The following PER3 variants were observed in gnomAD, a reference collection of about 807,000 sequenced individuals.
PER3 encodes period circadian protein homolog 3.
PER3 carries 107 observed loss-of-function variants against 127.2 expected under a neutral mutation model. The ratio of observed to expected loss-of-function variants is 0.84; its 90% CI spans 0.72 to 0.99. The LOEUF (loss-of-function observed/expected upper bound fraction) is 0.99, where lower values mean the gene tolerates loss of function less well. Ranked by LOEUF, PER3 falls within the 50% of genes least tolerant of loss-of-function variation. The probability of loss-of-function intolerance (pLI) is 0.00; values close to 1 mark genes in which losing one functional copy is unlikely to be tolerated. For synonymous variants in PER3, 618 were observed against 585.8 expected, an observed-to-expected ratio of 1.05 and a Z score of -0.79; for missense variants, 1,560 against 1,525.8, an observed-to-expected ratio of 1.02 and a Z score of -0.37.
intron 19 of PER3, among the ~76,000 whole-genome samples, chr1:7,833,647 G>A (rs545636017): frequency 5.9e-5 from 9 of 152,070 alleles, no homozygotes; most frequent in South Asian, 4.2e-4. Flanking sequence ...TAAGTTTCTC[G>A]TAACCACCAT....
intron 16 of PER3, among the ~76,000 whole-genome samples, chr1:7,821,171 G>A (rs963429298): frequency 2.0e-5 from 3 of 152,090 alleles, no homozygotes; most frequent in African/African-American, 7.2e-5. Context: ...ATTGCCACTT[G>A]TCCTTTTGAC....
Position 7,788,042 on chromosome 1 carries a change from T to C in PER3, c.391-3T>C, listed in dbSNP as rs1482666171. On this transcript the variant is annotated splice_polypyrimidine_tract_variant and splice_region_variant and intron_variant, in intron 4 of 21. Coordinates refer to ENST00000377532, the MANE Select transcript of PER3 (RefSeq NM_001377275.1). ...TTGCATTTATTTTAAATGTTTTTCATAGGATACCTTTGTGGCAGTATTTTC... is the reference window on the plus strand; with the variant it reads ...TTGCATTTATTTTAAATGTTTTTCACAGGATACCTTTGTGGCAGTATTTTC... The C allele has an allele frequency of 6.2e-7, 1 of 1,600,416 alleles. No homozygotes were observed. Among genetic ancestry groups the C allele is most frequent in the Admixed American group, 1.7e-5 (1 of 59,986 alleles).
rs568724764 is a variant in PER3 at position 7,800,902 on chromosome 1, GGCT to G, written c.794-210_794-208del. Among the ~76,000 whole-genome samples the G allele has an allele frequency of 1.7e-4, 25 of 151,296 alleles. No homozygotes were observed. In the South Asian group the frequency reaches 5.2e-3, roughly 32 times the overall value. On this transcript the variant is annotated intron_variant, in intron 7 of 21. Coordinates refer to ENST00000377532, the MANE Select transcript of PER3 (RefSeq NM_001377275.1). The stretch of plus-strand genomic sequence containing the variant: ...TCTCTGTTTAAAATTGACTTTAATA[GGCT>G]TCAAATTTTTACCTAATTAAAATGT...
At chr1:7,822,267 T>A (rs1243511778) in intron 16 of PER3, among the ~76,000 whole-genome samples, 1 of 151,900 alleles carries the variant, frequency 6.6e-6, no homozygotes, top group Non-Finnish European at 1.5e-5. Flanking sequence ...AATTTTTTTT[T>A]TTTTTTGAGA....
chr1:7,843,803 C>A lies in PER3; in HGVS notation c.*1048C>A. 1.4e-6 allele frequency: 1 copy of A among 692,374 alleles called. No homozygotes were observed. The highest frequency in any genetic ancestry group is 2.0e-6 in the Non-Finnish European group (1 of 512,088). The allele number at this position is 692,374 out of a possible 1,614,324, so 42.9% of individuals were successfully genotyped here. ...GCCCACAGGGTCCTGCAGGCTCCAT[C>A]AGTCACCGCTTTCTATGGCGTTTGT... On this transcript the variant is annotated 3_prime_UTR_variant, in exon 22 of 22. Coordinates refer to ENST00000377532, the MANE Select transcript of PER3 (RefSeq NM_001377275.1).
chr1:7,808,845 G>A lies in PER3; in HGVS notation c.1137-48G>A, dbSNP rs1443256267. On this transcript the variant is annotated intron_variant, in intron 10 of 21. Coordinates refer to ENST00000377532, the MANE Select transcript of PER3 (RefSeq NM_001377275.1). ...GAATAGTCTATTAAAAATCACTTTC[G>A]ACTTCATTTAAATTGTTTGACTCAG... 7 of 973,382 alleles carry A rather than the reference G, an allele frequency of 7.2e-6. No homozygotes were observed. The East Asian group carries it at 7.2e-5, about 10-fold the overall frequency. The allele number at this position is 973,382 out of a possible 1,614,324, so 60.3% of individuals were successfully genotyped here. A position where few individuals can be genotyped will look rare whatever the true frequency, so the allele number is the denominator to read the frequency against.
At chr1:7,791,069 G>T (rs1040172009) in intron 5 of PER3, among the ~76,000 whole-genome samples, 1 of 152,202 alleles carries the variant, frequency 6.6e-6, no homozygotes, top group East Asian at 1.9e-4. Context: ...CCATTCTTAG[G>T]TCTGGAGGAT....
chr1:7,825,641 C>T (rs901647536), intron 16 of PER3, among the ~76,000 whole-genome samples: 5 of 152,172 alleles, frequency 3.3e-5, no homozygotes, highest in African/African-American at 1.2e-4. Flanking sequence ...CCTATAATCC[C>T]AGCGCTTTGG....
intron 6 of PER3, among the ~76,000 whole-genome samples, chr1:7,796,969 C>G (rs1486193987): frequency 6.6e-6 from 1 of 152,070 alleles, no homozygotes; most frequent in African/African-American, 2.4e-5. Flanking sequence ...AATCAACTTC[C>G]TGGAGGTGGA....
At chr1:7,790,335 G>T (rs1052881538) in intron 5 of PER3, among the ~76,000 whole-genome samples, 1 of 152,162 alleles carries the variant, frequency 6.6e-6, no homozygotes, top group African/African-American at 2.4e-5. Context: ...ACACATGATG[G>T]CAGGAAGGAG....
chr1:7,820,145 G>T lies in PER3; in HGVS notation c.1689G>T (p.Leu563Phe). Reference protein sequence around the residue: ...RYLKSYNIPALKRKCISCTNT... With the variant: ...RYLKSYNIPAFKRKCISCTNT... ...TGAAGAGCTACAACATTCCAGCTTT[G>T]AAAAGAAAGTGTATCTCCTGTACAA... The change falls in exon 15 of 22, where the codon TTG becomes TTT. Residue 563 changes from leucine (L) to phenylalanine (F), a missense_variant. Leu to Phe is a conservative substitution (Grantham distance 22). Coordinates refer to ENST00000377532, the MANE Select transcript of PER3 (RefSeq NM_001377275.1). The T allele has an allele frequency of 6.2e-7, 1 of 1,613,630 alleles. No homozygotes were observed. Among genetic ancestry groups the T allele is most frequent in the Non-Finnish European group, 8.5e-7 (1 of 1,179,642 alleles).
At chr1:7,810,395 T>A in intron 12 of PER3, 43 bp from the exon 13 acceptor site, 1 of 1,437,230 alleles carries the variant, frequency 7.0e-7, no homozygotes, top group Non-Finnish European at 9.5e-7. Flanking sequence ...TAGTGGACAT[T>A]TTTATAATTT....
At chr1:7,797,654 A>G (rs1053506826) in intron 6 of PER3, among the ~76,000 whole-genome samples, 16 of 150,836 alleles carry the variant, frequency 1.1e-4, no homozygotes, top group Non-Finnish European at 2.1e-4. Flanking sequence ...AAAAAAAAAG[A>G]AAAAAAAGTG....
rs2097272264 is a variant in PER3 at position 7,820,631 on chromosome 1, C to T, written c.1948C>T (p.Pro650Ser). 4 of 1,609,898 alleles carry T rather than the reference C, an allele frequency of 2.5e-6. No homozygotes were observed. The highest frequency in any genetic ancestry group is 1.1e-5 in the South Asian group (1 of 90,272). The part of the protein sequence containing the change: ...YSSTIVHVPP[P>S]ETARDATLFC... ...CAGCACCATTGTCCATGTCCCACCC[C>T]CAGAGACAGGTACCACACTCGCCTC... The change falls in exon 16 of 22, where the codon CCA becomes TCA. Residue 650 changes from proline to serine, a missense_variant. Physicochemically the swap from Pro to Ser is moderately conservative, Grantham distance 74. This residue lies in a region of PER3 where 1,332 missense variants were observed against 1,223.6 expected (regional missense o/e 1.09). Coordinates refer to ENST00000377532, the MANE Select transcript of PER3 (RefSeq NM_001377275.1).
chr1:7,792,737 C>T (rs696305), intron 5 of PER3, among the ~76,000 whole-genome samples: 60,769 of 152,068 alleles, frequency 0.4, 12,965 homozygotes, highest in African/African-American at 0.55. Context: ...TTCTATTTAA[C>T]ATGTCTTGTA....
chr1:7,820,678 C>A, intron 16 of PER3, 38 bp downstream of exon 16: 1 of 1,523,456 alleles, frequency 6.6e-7, no homozygotes, highest in Non-Finnish European at 9.0e-7. Context: ...ATATACTCAA[C>A]TTTAACTACA....
At chr1:7,836,694 A>G (rs1315882057) in intron 20 of PER3, 1 of 226,096 alleles carries the variant, frequency 4.4e-6, no homozygotes, top group African/African-American at 2.3e-5. Flanking sequence ...GCTTTCCAAG[A>G]TGGCACACAA....
rs957197766 is a variant in PER3, at chr1:7,799,768, T to C, written c.793+1095T>C. Among the ~76,000 whole-genome samples the C allele has an allele frequency of 2.0e-5, 3 of 151,932 alleles. No individual in the cohort carries two copies. In the East Asian group the frequency reaches 5.8e-4, roughly 29 times the overall value. On this transcript the variant is annotated intron_variant, in intron 7 of 21. Transcript: ENST00000377532. ...CATGTTTTTGTGTATTCTTTTTTTG[T>C]TGTTGTTTTGCTTTGCTTTGAGACA...
intron 16 of PER3, among the ~76,000 whole-genome samples, chr1:7,825,214 A>G (rs2097295967): frequency 1.3e-5 from 2 of 152,104 alleles, no homozygotes; most frequent in South Asian, 2.1e-4. Context: ...TGGAATGGAT[A>G]TTGGGGGAGC....
Sources: allele counts gnomAD v4.1 joint callset (sites outside exome capture counted in the v4.1 genomes callset), GRCh38; gene constraint gnomAD v4.1.1; regional missense constraint gnomAD v4.1.1; transcripts MANE v1.5; gene names NCBI Gene and HGNC (gene_info 2026-07-23, HGNC 2026-07-21).